The following LARGE1 variants were observed in gnomAD, a reference collection of about 807,000 sequenced individuals.
LARGE1 encodes xylosyl- and glucuronyltransferase LARGE1.
A neutral mutation model predicts 87.6 loss-of-function variants in LARGE1; 43 were observed. The ratio of observed to expected loss-of-function variants is 0.49; its 90% CI spans 0.38 to 0.63. The LOEUF (loss-of-function observed/expected upper bound fraction) is 0.63. Ranked by LOEUF, LARGE1 falls within the 30% of genes least tolerant of loss-of-function variation. The pLI is 0.00. For missense variants in LARGE1, 802 were observed against 1,000.2 expected (o/e 0.80, Z 2.67); for synonymous variants, 434 against 394.6 (o/e 1.10, Z -1.18).
At chr22:33,451,225 A>T (rs1056674897) in intron 6 of LARGE1, among the ~76,000 whole-genome samples, 1 of 152,060 alleles carries the variant, frequency 6.6e-6, no homozygotes, top group Non-Finnish European at 1.5e-5. Flanking sequence ...GGTAGAAAAA[A>T]CTTCATCTGG....
chr22:33,255,384 C>T (rs1028878307), intron 11 of LARGE1, among the ~76,000 whole-genome samples: 1 of 152,142 alleles, frequency 6.6e-6, no homozygotes, highest in African/African-American at 2.4e-5. Context: ...TGGAACAACG[C>T]GTGGACACTC....
In LARGE1 at chr22:33,304,373, A is replaced by T; in HGVS notation, c.1586T>A (p.Val529Glu). The T allele has an allele frequency of 1.2e-6, 2 of 1,614,248 alleles. No homozygotes were observed. Among genetic ancestry groups the T allele is most frequent in the South Asian group, 2.2e-5 (2 of 91,088 alleles). ...GSEVLMSRHNVGYHIVYKEGQ... is the reference protein window; with the variant it reads ...GSEVLMSRHNEGYHIVYKEGQ... ...CTCCTTGTACACGATGTGGTAGCCC[A>T]CGTTGTGGCGGCTCATAAGCACCTC... is the stretch of plus-strand genomic sequence containing the variant. Residue 529 changes from valine to glutamate, a missense_variant, in exon 12 of 15, where the codon GTG becomes GAG. Transcript: ENST00000397394.
chr22:33,101,827 A>G, the LARGE1 span, among the ~76,000 whole-genome samples: 1 of 152,216 alleles, frequency 6.6e-6, no homozygotes, highest in African/African-American at 2.4e-5. Flanking sequence ...GTCACATTCA[A>G]GGAAAGACAG....
intron 6 of LARGE1, among the ~76,000 whole-genome samples, chr22:33,491,341 T>C (rs1326164026): frequency 6.6e-6 from 1 of 152,092 alleles, no homozygotes; most frequent in Non-Finnish European, 1.5e-5. Context: ...AGGAAGCGGT[T>C]TTACATATAA....
intron 10 of LARGE1, among the ~76,000 whole-genome samples, chr22:33,324,762 T>C (rs1937093324): frequency 6.6e-6 from 1 of 151,878 alleles, no homozygotes. Context: ...AACTAAGGAG[T>C]GAGATTATGG....
intron 13 of LARGE1, among the ~76,000 whole-genome samples, chr22:33,280,298 G>A (rs1354679834): frequency 2.6e-5 from 3 of 116,716 alleles, no homozygotes; most frequent in African/African-American, 6.9e-5. Flanking sequence ...AGTAGTTTCT[G>A]ATATATGGTA....
At chr22:33,591,087 GC>G (rs1465342356) in intron 5 of LARGE1, among the ~76,000 whole-genome samples, 6 of 152,226 alleles carry the variant, frequency 3.9e-5, no homozygotes, top group African/African-American at 7.2e-5. Flanking sequence ...TGTAATTCCA[GC>G]TATTCGGGAG....
chr22:33,455,817 A>G (rs1463220007), intron 6 of LARGE1, among the ~76,000 whole-genome samples: 1 of 151,890 alleles, frequency 6.6e-6, no homozygotes, highest in Non-Finnish European at 1.5e-5. Flanking sequence ...GGATAGTAGA[A>G]GTCTCCTCGG....
intron 7 of LARGE1, among the ~76,000 whole-genome samples, chr22:33,408,735 T>C (rs2066195452): frequency 6.8e-6 from 1 of 147,262 alleles, no homozygotes; most frequent in Admixed American, 6.8e-5. Context: ...TATCTGAAAA[T>C]GGAAAAACCC....
rs1601416686 is a variant in LARGE1, at chr22:33,316,257, T to C, written c.1288-9A>G. On this transcript the variant is annotated splice_polypyrimidine_tract_variant and intron_variant, in intron 10 of 14. Coordinates refer to ENST00000397394, the MANE Select transcript of LARGE1 (RefSeq NM_133642.5). ...GACAGCTGCTTCTGGAGCTGCAGGGTAGGAGAGAGGGCTTGGGCACGTGAA... is the reference window on the plus strand; with the variant it reads ...GACAGCTGCTTCTGGAGCTGCAGGGCAGGAGAGAGGGCTTGGGCACGTGAA... 1 of 1,612,912 alleles carries C rather than the reference T, an allele frequency of 6.2e-7. No homozygotes were observed.
intron 1 of LARGE1, among the ~76,000 whole-genome samples, chr22:33,802,647 T>C (rs558725874): frequency 2.6e-4 from 40 of 152,286 alleles, no homozygotes; most frequent in Non-Finnish European, 5.0e-4. Context: ...GTAACTCTTA[T>C]TTGTCACCCT....
chr22:33,172,799 A>G (rs1399060400), intron 11 of LARGE1, among the ~76,000 whole-genome samples: 1 of 152,198 alleles, frequency 6.6e-6, no homozygotes, highest in Non-Finnish European at 1.5e-5. Context: ...TGAGAAGACA[A>G]GATTAGAGAA....
At chr22:33,217,748 T>C (rs1027272152) in intron 11 of LARGE1, among the ~76,000 whole-genome samples, 2 of 152,084 alleles carry the variant, frequency 1.3e-5, no homozygotes, top group Admixed American at 1.3e-4. Context: ...ACTGTATTAT[T>C]CCTTATAATA....
chr22:33,600,417 C>T (rs968765765), intron 5 of LARGE1, among the ~76,000 whole-genome samples: 6 of 152,174 alleles, frequency 3.9e-5, no homozygotes, highest in Non-Finnish European at 7.3e-5. Context: ...ATTAGCTCAT[C>T]ACACAAAAGC....
In LARGE1 at chr22:33,564,860, G is replaced by A; in HGVS notation, c.775C>T (p.His259Tyr). The change falls in exon 6 of 15, where the codon CAC becomes TAC. Residue 259 changes from histidine (H) to tyrosine (Y), a missense_variant. Physicochemically the swap from His to Tyr is moderately conservative, Grantham distance 83 (BLOSUM62 2). This residue lies in a region of LARGE1 where 625 missense variants were observed against 841.9 expected (regional missense o/e 0.74). Coordinates refer to ENST00000397394, the MANE Select transcript of LARGE1 (RefSeq NM_133642.5). ...TDIAELWAVF[H>Y]KFKGQQVLGL... ...GGGCTACCATTACCTTTGAACTTGT[G>A]GAACACAGCCCACAGCTCTGCAATG... is the stretch of plus-strand genomic sequence containing the variant. The A allele has an allele frequency of 3.1e-6, 5 of 1,614,150 alleles. No individual in the cohort carries two copies. Among genetic ancestry groups the A allele is most frequent in the Non-Finnish European group, 4.2e-6 (5 of 1,180,014 alleles).
chr22:33,550,793 G>C (rs1033135814), intron 6 of LARGE1, among the ~76,000 whole-genome samples: 1 of 152,100 alleles, frequency 6.6e-6, no homozygotes, highest in East Asian at 1.9e-4. Context: ...GAAATCAACC[G>C]ACGTGCCCAT....
At chr22:33,660,476 T>C (rs938575033) in intron 2 of LARGE1, among the ~76,000 whole-genome samples, 1 of 152,190 alleles carries the variant, frequency 6.6e-6, no homozygotes, top group African/African-American at 2.4e-5. Context: ...GAGAGCACAA[T>C]AAATTCACAT....
At chr22:33,298,534 C>T (rs1049303679) in intron 12 of LARGE1, among the ~76,000 whole-genome samples, 1 of 152,156 alleles carries the variant, frequency 6.6e-6, no homozygotes, top group Non-Finnish European at 1.5e-5. Flanking sequence ...AAAGAGTACT[C>T]AGCATCAGTC....
rs1366521396 is a variant in LARGE1 at position 33,564,924 on chromosome 22, T to C, written c.711A>G (p.Arg237=). Residue 237 remains arginine (R), a synonymous_variant, in exon 6 of 15, where the codon AGA becomes AGG. Transcript: ENST00000397394. ...LTKTLPANLE[R]VIVLDTDITF... Reference sequence around the variant, plus strand: ...TGATATCCGTGTCAAGGACGATGACTCTCTCCAGGTTGGCAGGAAGAGTCT... The same window carrying C: ...TGATATCCGTGTCAAGGACGATGACCCTCTCCAGGTTGGCAGGAAGAGTCT... The C allele has an allele frequency of 1.9e-6, 3 of 1,614,014 alleles. No homozygotes were observed. Among genetic ancestry groups the C allele is most frequent in the Non-Finnish European group, 1.7e-6 (2 of 1,180,008 alleles).
Sources: gnomAD v4.1 joint callset for allele counts (sites outside exome capture counted in the v4.1 genomes callset) on GRCh38, gnomAD v4.1.1 for gene constraint, gnomAD v4.1.1 regional missense constraint, MANE v1.5 for transcripts, NCBI Gene and HGNC (gene_info 2026-07-23, HGNC 2026-07-21) for gene names.